PPP2R3A: variants seen among roughly 807,000 people sequenced by gnomAD.
PPP2R3A encodes serine/threonine-protein phosphatase 2A regulatory subunit B'' subunit alpha.
Under a neutral mutation model 106.9 loss-of-function variants are expected in PPP2R3A, and 80 were observed. The observed-to-expected ratio is 0.75, with a 90% CI of 0.62 to 0.90. The LOEUF (loss-of-function observed/expected upper bound fraction) is 0.90, where lower values mean the gene tolerates loss of function less well. Ranked by LOEUF, PPP2R3A falls within the 40% of genes least tolerant of loss-of-function variation. The probability of loss-of-function intolerance (pLI) is 0.00; values close to 1 mark genes in which losing one functional copy is unlikely to be tolerated. For synonymous variants in PPP2R3A, 483 were observed against 468.3 expected (o/e 1.03, Z -0.41); for missense variants, 1,386 against 1,350.4 (o/e 1.03, Z -0.41).
intron 13 of PPP2R3A, among the ~76,000 whole-genome samples, chr3:136,137,238 C>G (rs1938653958): frequency 6.6e-6 from 1 of 152,078 alleles, no homozygotes; most frequent in Admixed American, 6.5e-5. Flanking sequence ...CAGAAACAAG[C>G]TTTTCTGCCA....
Position 136,136,076 on chromosome 3 carries a change from AT to A in PPP2R3A, c.3330-8966del, listed in dbSNP as rs1559940371. ...AAAAAAAAAAAAAAAAAAAAAAATT[AT>A]ATATATATATATATATAAAAAACAT... On this transcript the variant is annotated intron_variant, in intron 13 of 13. Transcript: ENST00000264977. Among the ~76,000 whole-genome samples the A allele has an allele frequency of 7.9e-3, 236 of 29,802 alleles. 4 individuals are homozygous for A. The highest frequency in any genetic ancestry group is 0.028 in the Non-Finnish European group (163 of 5,780). 19.6% of individuals were successfully genotyped at this position (29,802 alleles called of 152,430 possible).
rs144873190 is a variant in PPP2R3A at position 136,145,147 on chromosome 3, A to G, written c.3434A>G (p.Gln1145Arg). 16 of 1,611,690 alleles carry G rather than the reference A, an allele frequency of 9.9e-6. No individual in the cohort carries two copies. The highest frequency in any genetic ancestry group is 1.4e-5 in the Non-Finnish European group (16 of 1,179,308). ...ASLPEKCGKL[Q>R]SVDEE ...CTTCCAGAGAAATGTGGAAAGCTTC[A>G]ATCAGTGGATGAAGAATAGCTGCCG... Residue 1145 changes from glutamine to arginine, a missense_variant, in exon 14 of 14, where the codon CAA becomes CGA. Transcript: ENST00000264977.
intron 13 of PPP2R3A, among the ~76,000 whole-genome samples, chr3:136,131,834 A>G (rs1214026599): frequency 6.6e-6 from 1 of 152,214 alleles, no homozygotes; most frequent in African/African-American, 2.4e-5. Context: ...ATGCAGCCAT[A>G]AAAAAGGATG....
chr3:136,040,014 C>G lies in PPP2R3A; in HGVS notation c.2263-845C>G, dbSNP rs566883078. Among the ~76,000 whole-genome samples, 81 of 152,210 alleles carry G rather than the reference C, an allele frequency of 5.3e-4. 1 individual carries two copies. Among genetic ancestry groups the G allele is most frequent in the Admixed American group, 1.4e-3 (21 of 15,286 alleles). On this transcript the variant is annotated intron_variant, in intron 3 of 13. Coordinates refer to ENST00000264977, the MANE Select transcript of PPP2R3A (RefSeq NM_002718.5). ...ATAGCATTTTACCTTTCATCTTTTA[C>G]CTGAATTATAACCATTTAAATAGAT...
intron 3 of PPP2R3A, among the ~76,000 whole-genome samples, chr3:136,029,989 A>G (rs938738006): frequency 6.6e-6 from 1 of 152,214 alleles, no homozygotes; most frequent in Non-Finnish European, 1.5e-5. Context: ...AGGCAGGAGA[A>G]TCGCTTGAGC....
At chr3:136,054,302 AGGCT>A (rs746164658) in intron 5 of PPP2R3A, among the ~76,000 whole-genome samples, 23 of 117,640 alleles carry the variant, frequency 2.0e-4, no homozygotes, top group Non-Finnish European at 3.5e-4. Flanking sequence ...CCCTGTCGCC[AGGCT>A]GGAGTGCAGT....
At chr3:136,118,133 G>T (rs1048142474) in intron 13 of PPP2R3A, among the ~76,000 whole-genome samples, 1 of 152,100 alleles carries the variant, frequency 6.6e-6, no homozygotes, top group South Asian at 2.1e-4. Context: ...AAACCGCATG[G>T]TTATCTCAAT....
chr3:136,145,252 T>G lies in PPP2R3A; in HGVS notation c.*86T>G. On this transcript the variant is annotated 3_prime_UTR_variant, in exon 14 of 14. Transcript: ENST00000264977. Reference sequence around the variant, plus strand: ...ATGTTCTCGTTTGCATACTGCTTTTTAAAGACTTTGATTTCTCCAAGTGTG... The same window carrying G: ...ATGTTCTCGTTTGCATACTGCTTTTGAAAGACTTTGATTTCTCCAAGTGTG... The G allele has an allele frequency of 6.8e-7, 1 of 1,461,808 alleles. No homozygotes were observed. Among genetic ancestry groups the G allele is most frequent in the East Asian group, 2.4e-5 (1 of 40,910 alleles). 90.6% of individuals were successfully genotyped at this position (1,461,808 alleles called of 1,614,324 possible).
At chr3:135,994,176 G>A (rs911554301) in intron 1 of PPP2R3A, among the ~76,000 whole-genome samples, 1 of 152,228 alleles carries the variant, frequency 6.6e-6, no homozygotes, top group African/African-American at 2.4e-5. Context: ...TTCACTGTAA[G>A]ATGATCATGT....
intron 3 of PPP2R3A, among the ~76,000 whole-genome samples, chr3:136,027,558 A>G (rs764286064): frequency 1.3e-5 from 2 of 152,194 alleles, no homozygotes; most frequent in Non-Finnish European, 2.9e-5. Flanking sequence ...TGGAACTTTC[A>G]AATATATCCA....
intron 5 of PPP2R3A, among the ~76,000 whole-genome samples, chr3:136,053,226 A>G (rs1211974553): frequency 6.6e-6 from 1 of 152,214 alleles, no homozygotes; most frequent in African/African-American, 2.4e-5. Context: ...TGTACCACAA[A>G]GCCCTGTGAC....
intron 5 of PPP2R3A, among the ~76,000 whole-genome samples, chr3:136,051,352 G>A (rs557297156): frequency 5.3e-5 from 8 of 152,150 alleles, no homozygotes; most frequent in Admixed American, 2.0e-4. Context: ...TTTTGGAGAC[G>A]GAGTCTCGCT....
Position 136,040,918 on chromosome 3 carries a change from G to A in PPP2R3A, c.2322G>A (p.Lys774=). The change falls in exon 4 of 14, where the codon AAG becomes AAA. Residue 774 remains lysine, a synonymous_variant. Coordinates refer to ENST00000264977, the MANE Select transcript of PPP2R3A (RefSeq NM_002718.5). ...APMFRAAGGE[K]TGFVTAQSFI... is the part of the protein sequence containing the mutation. ...TGTTCAGGGCTGCAGGGGGAGAGAA[G>A]ACAGGATTTGTGACAGCACAGTCAT... The A allele has an allele frequency of 6.2e-7, 1 of 1,613,736 alleles. No homozygotes were observed. Among genetic ancestry groups the A allele is most frequent in the East Asian group, 2.2e-5 (1 of 44,844 alleles).
chr3:136,009,743 T>A (rs1212623093), intron 2 of PPP2R3A, among the ~76,000 whole-genome samples: 1 of 152,168 alleles, frequency 6.6e-6, no homozygotes. Context: ...GATGCATGAT[T>A]ATGCTTGAGA....
chr3:136,057,033 G>A (rs779949356), intron 5 of PPP2R3A, among the ~76,000 whole-genome samples: 1 of 151,726 alleles, frequency 6.6e-6, no homozygotes, highest in Non-Finnish European at 1.5e-5. Flanking sequence ...TAAAAAGACA[G>A]GCAATAACAT....
At chr3:136,003,686 A>T (rs78582145) in intron 2 of PPP2R3A, among the ~76,000 whole-genome samples, 193 bp downstream of exon 2, 1 of 152,026 alleles carries the variant, frequency 6.6e-6, no homozygotes, top group East Asian at 1.9e-4. Context: ...AAAAAAAAAA[A>T]GCAAAGACTT....
intron 9 of PPP2R3A, 145 bp downstream of exon 9, chr3:136,088,076 A>G (rs1456195699): frequency 1.6e-6 from 1 of 613,936 alleles, no homozygotes; most frequent in African/African-American, 1.9e-5. Context: ...TTAATACAAG[A>G]CAGTAATTCT....
rs77365878 is a variant in PPP2R3A at position 136,147,667 on chromosome 3, A to G, written c.*2501A>G. The stretch of plus-strand genomic sequence containing the variant: ...TTATCATGACCTTAATGCTAATTCA[A>G]TGAGAAATGAGTTTAATAGCATAAC... On this transcript the variant is annotated 3_prime_UTR_variant, in exon 14 of 14. Transcript: ENST00000264977. 9.8e-5 allele frequency: 15 copies of G among 152,474 alleles called. No homozygotes were observed. The highest frequency in any genetic ancestry group is 4.6e-4 in the Admixed American group (7 of 15,282). 9.4% of individuals were successfully genotyped at this position (152,474 alleles called of 1,614,324 possible). A position where few individuals can be genotyped will look rare whatever the true frequency, so the allele number is the denominator to read the frequency against.
chr3:136,064,572 C>A (rs923186074), intron 5 of PPP2R3A, among the ~76,000 whole-genome samples: 1 of 151,892 alleles, frequency 6.6e-6, no homozygotes, highest in African/African-American at 2.4e-5. Context: ...AAAATTGTTT[C>A]CATAATTTTT....
Sources: gnomAD v4.1 joint callset for allele counts (sites outside exome capture counted in the v4.1 genomes callset) on GRCh38, gnomAD v4.1.1 for gene constraint, MANE v1.5 for transcripts, NCBI Gene and HGNC (gene_info 2026-07-23, HGNC 2026-07-21) for gene names.